FHOD3: variants seen among roughly 807,000 people sequenced by gnomAD.
FHOD3 encodes FH1/FH2 domain-containing protein 3.
FHOD3 carries 90 observed loss-of-function variants against 173.0 expected under a neutral mutation model. The observed-to-expected ratio is 0.52, with a 90% CI of 0.44 to 0.62. The LOEUF (loss-of-function observed/expected upper bound fraction) is 0.62, where lower values mean the gene tolerates loss of function less well. Ranked by LOEUF, FHOD3 falls within the 20% of genes least tolerant of loss-of-function variation. The pLI is 0.00. For missense variants in FHOD3, 1,945 were observed against 2,034.7 expected, an observed-to-expected ratio of 0.96 and a Z score of 0.85; for synonymous variants, 828 against 823.0, an observed-to-expected ratio of 1.01 and a Z score of -0.10.
chr18:36,355,989 C>T (rs536965293), intron 2 of FHOD3, among the ~76,000 whole-genome samples: 11 of 152,208 alleles, frequency 7.2e-5, no homozygotes, highest in South Asian at 4.1e-4. Flanking sequence ...CCCAGCTACT[C>T]GGGAGGCTGA....
chr18:36,670,848 A>T (rs1413323353), intron 14 of FHOD3, among the ~76,000 whole-genome samples: 3 of 152,184 alleles, frequency 2.0e-5, no homozygotes, highest in Admixed American at 2.0e-4. Flanking sequence ...AAACAGTTTG[A>T]TCCTTGCAGG....
intron 9 of FHOD3, among the ~76,000 whole-genome samples, chr18:36,623,637 TTG>T (rs2033876636): frequency 6.6e-6 from 1 of 152,254 alleles, no homozygotes; most frequent in Non-Finnish European, 1.5e-5. Flanking sequence ...TTATCAATTC[TTG>T]CCTCAAACCT....
chr18:36,347,929 A>G (rs1046002742), intron 1 of FHOD3, among the ~76,000 whole-genome samples: 1 of 152,258 alleles, frequency 6.6e-6, no homozygotes, highest in Non-Finnish European at 1.5e-5. Context: ...TTTGAAGGTT[A>G]ATGAAATGAA....
intron 3 of FHOD3, among the ~76,000 whole-genome samples, chr18:36,406,238 A>G (rs1394643467): frequency 1.3e-5 from 2 of 152,218 alleles, no homozygotes; most frequent in Admixed American, 1.3e-4. Context: ...GGCATTGAAT[A>G]GGCATTGCTG....
At chr18:36,760,978 C>T (rs1177462212) in intron 27 of FHOD3, among the ~76,000 whole-genome samples, 196 bp downstream of exon 27, 2 of 152,224 alleles carry the variant, frequency 1.3e-5, no homozygotes, top group African/African-American at 4.8e-5. Flanking sequence ...AACATTCCCA[C>T]GAGAGTACCT....
Position 36,665,304 on chromosome 18 carries a change from G to C in FHOD3, c.1835+7116G>C, listed in dbSNP as rs116236674. 3.9e-3 allele frequency among the ~76,000 whole-genome samples: 592 copies of C among 152,316 alleles called. 5 individuals carry two copies. Among genetic ancestry groups the C allele is most frequent in the African/African-American group, 0.013 (557 of 41,568 alleles). On this transcript the variant is annotated intron_variant, in intron 14 of 28. Coordinates refer to ENST00000590592, the MANE Select transcript of FHOD3 (RefSeq NM_001281740.3). ...TTCATTCAACAAGTACTTATTGAGT[G>C]TATCGATTGAATCAGACACAGTCCC... is the stretch of plus-strand genomic sequence containing the variant.
At chr18:36,473,162 C>G (rs116595708) in intron 3 of FHOD3, among the ~76,000 whole-genome samples, 2,695 of 152,322 alleles carry the variant, frequency 0.018, 77 homozygotes, top group African/African-American at 0.062. Flanking sequence ...TGTCCGTAAT[C>G]CCAGCACTTT....
chr18:36,543,442 T>C (rs2057300340), intron 5 of FHOD3, among the ~76,000 whole-genome samples: 1 of 152,192 alleles, frequency 6.6e-6, no homozygotes, highest in East Asian at 1.9e-4. Flanking sequence ...TTTTCCTTGA[T>C]GGCCTGGTTG....
At chr18:36,537,684 A>G (rs1015808936) in intron 5 of FHOD3, among the ~76,000 whole-genome samples, 2 of 152,240 alleles carry the variant, frequency 1.3e-5, no homozygotes, top group Non-Finnish European at 2.9e-5. Flanking sequence ...CAAACAACAG[A>G]GCTGCAAAAT....
chr18:36,511,896 C>T (rs924562267), intron 4 of FHOD3, among the ~76,000 whole-genome samples: 2 of 152,218 alleles, frequency 1.3e-5, no homozygotes, highest in Non-Finnish European at 2.9e-5. Context: ...CTGCACCCTG[C>T]TTCCATGCTT....
chr18:36,552,567 C>T (rs865850632), intron 5 of FHOD3, among the ~76,000 whole-genome samples: 113 of 150,760 alleles, frequency 7.5e-4, no homozygotes, highest in African/African-American at 2.3e-3. Flanking sequence ...GGCGCGATCT[C>T]GGCTCACTGC....
intron 5 of FHOD3, among the ~76,000 whole-genome samples, chr18:36,564,789 G>A (rs562706982): frequency 6.2e-4 from 95 of 152,196 alleles, no homozygotes; most frequent in African/African-American, 2.1e-3. Flanking sequence ...TGTTAGGGGA[G>A]AATATTAGGT....
chr18:36,770,957 G>C (rs769617429), intron 28 of FHOD3, among the ~76,000 whole-genome samples: 1 of 152,178 alleles, frequency 6.6e-6, no homozygotes, highest in Non-Finnish European at 1.5e-5. Flanking sequence ...CGTTCAGGGA[G>C]ACTGGCTTGT....
At chr18:36,664,938 C>G (rs1203395629) in intron 14 of FHOD3, among the ~76,000 whole-genome samples, 2 of 152,052 alleles carry the variant, frequency 1.3e-5, no homozygotes, top group Non-Finnish European at 2.9e-5. Flanking sequence ...GCCCAGGCAA[C>G]AAAGAGACCC....
At position 36,653,244 on chromosome 18, in the gene FHOD3, C is replaced by G. The variant is rs370108143; in HGVS notation, c.1647-98C>G. 4.0e-4 allele frequency: 375 copies of G among 944,674 alleles called. 2 individuals are homozygous for G. The East Asian group carries it at 9.0e-3, about 23-fold the overall frequency. The allele number at this position is 944,674 out of a possible 1,614,324, so 58.5% of individuals were successfully genotyped here. ...CCAAATTTATACATCTTGTACCAAG[C>G]CAGGTGGCATGAAGTCTTTTTGACG... is the stretch of plus-strand genomic sequence containing the variant. On this transcript the variant is annotated intron_variant, in intron 12 of 28. Transcript: ENST00000590592.
chr18:36,454,701 C>G (rs1268269497), intron 3 of FHOD3, among the ~76,000 whole-genome samples: 2 of 152,026 alleles, frequency 1.3e-5, no homozygotes, highest in Non-Finnish European at 2.9e-5. Flanking sequence ...GGAGCCCACC[C>G]CTGCAACCTC....
chr18:36,645,530 G>A (rs754290464), intron 10 of FHOD3, among the ~76,000 whole-genome samples: 48 of 152,242 alleles, frequency 3.2e-4, no homozygotes, highest in Non-Finnish European at 5.9e-4. Context: ...GAGGCACCCC[G>A]AGTCCAGATC....
At chr18:36,360,022 C>T (rs979728949) in intron 2 of FHOD3, among the ~76,000 whole-genome samples, 5 of 152,228 alleles carry the variant, frequency 3.3e-5, no homozygotes, top group East Asian at 3.8e-4. Context: ...TAAGAGACCT[C>T]GATGGAGGTT....
At chr18:36,435,685 G>C (rs2143395113) in intron 3 of FHOD3, among the ~76,000 whole-genome samples, 1 of 152,248 alleles carries the variant, frequency 6.6e-6, no homozygotes, top group East Asian at 1.9e-4. Context: ...AGAACAAATG[G>C]AGTCAGTAAG....
Sources: allele counts gnomAD v4.1 joint callset (sites outside exome capture counted in the v4.1 genomes callset), GRCh38; gene constraint gnomAD v4.1.1; transcripts MANE v1.5; gene names NCBI Gene and HGNC (gene_info 2026-07-23, HGNC 2026-07-21).